DISP3: variants seen among roughly 807,000 people sequenced by gnomAD.
DISP3 encodes the protein protein dispatched homolog 3.
Under a neutral mutation model 135.3 loss-of-function variants are expected in DISP3, and 101 were observed. The observed-to-expected ratio is 0.75, with a 90% CI of 0.64 to 0.88. The LOEUF (loss-of-function observed/expected upper bound fraction) is 0.88. DISP3 is among the 40% of genes least tolerant of loss of function. The pLI, the probability that DISP3 is intolerant of heterozygous loss-of-function variation, is 0.00. For synonymous variants in DISP3, 856 were observed against 817.0 expected (o/e 1.05, Z -0.81); for missense variants, 1,713 against 1,878.6 (o/e 0.91, Z 1.63).
At position 11,501,425 on chromosome 1, in the gene DISP3, T is replaced by C; in HGVS notation, c.433T>C (p.Ser145Pro). ...CCGGCGCGATTTGGCCGACTTCACC[T>C]CCGAGACGCTTCAGCGCCTTATCTC... The part of the protein sequence containing the change: ...RNRRDLADFT[S>P]ETLQRLISEQ... Residue 145 changes from serine to proline, a missense_variant, in exon 2 of 21, where the codon TCC (serine) becomes CCC (proline). By Grantham distance (74) the Ser-to-Pro change is moderately conservative (BLOSUM62 -1). Around this residue, in one of 2 missense-constraint regions of DISP3, gnomAD observed 571 missense variants for 494.1 expected, o/e 1.16. Coordinates refer to ENST00000294484, the MANE Select transcript of DISP3 (RefSeq NM_020780.2). The surrounding 1 kb of genome is among the most constrained non-coding windows in gnomAD (Gnocchi z 4.9). 1 of 1,593,842 alleles carries C rather than the reference T, an allele frequency of 6.3e-7. No homozygotes were observed. Among genetic ancestry groups the C allele is most frequent in the South Asian group, 1.1e-5 (1 of 88,380 alleles).
Position 11,520,445 on chromosome 1 carries a change from G to A in DISP3, c.2201-242G>A, listed in dbSNP as rs1642152543. Among the ~76,000 whole-genome samples, 1 of 152,122 alleles carries A rather than the reference G, an allele frequency of 6.6e-6. No homozygotes were observed. Among genetic ancestry groups the A allele is most frequent in the Non-Finnish European group, 1.5e-5 (1 of 68,014 alleles). On this transcript the variant is annotated intron_variant, in intron 9 of 20. Transcript: ENST00000294484. The surrounding 1 kb of genome is among the most constrained non-coding windows in gnomAD (Gnocchi z 4.8). Reference sequence around the variant, plus strand: ...TGAGGTGGTGGCCGCCTCTTGTCCAGGAGTATTAGATTATAGCTTATAGTC... The same window carrying A: ...TGAGGTGGTGGCCGCCTCTTGTCCAAGAGTATTAGATTATAGCTTATAGTC...
chr1:11,520,945 G>A lies in DISP3; in HGVS notation c.2362+97G>A. On this transcript the variant is annotated intron_variant, in intron 10 of 20. Transcript: ENST00000294484. This position sits in a 1 kb window ranked among gnomAD's most constrained non-coding sequence, Gnocchi z 4.8. ...TGCAGGATCCAGGGTCCCCATCAATGCCAGACCTCAGGCAAATCCCACTCC... is the reference window on the plus strand; with the variant it reads ...TGCAGGATCCAGGGTCCCCATCAATACCAGACCTCAGGCAAATCCCACTCC... 1 of 1,375,416 alleles carries A rather than the reference G, an allele frequency of 7.3e-7. No individual in the cohort carries two copies. Among genetic ancestry groups the A allele is most frequent in the Non-Finnish European group, 9.7e-7 (1 of 1,027,590 alleles). The allele number at this position is 1,375,416 out of a possible 1,614,324, so 85.2% of individuals were successfully genotyped here.
chr1:11,506,754 G>A (rs537587970), intron 3 of DISP3, among the ~76,000 whole-genome samples: 4 of 152,070 alleles, frequency 2.6e-5, no homozygotes, highest in Admixed American at 6.6e-5. Flanking sequence ...CTTTCACTTG[G>A]TTTGGGATCC....
In DISP3 at chr1:11,520,680, C is replaced by T. The variant is rs1459478880; in HGVS notation, c.2201-7C>T. ...GCCCCGCCTGGTGTAGCGCCCTTTCCTCACAGGGCTGTTCGTCTCCATCCT... is the reference window on the plus strand; with the variant it reads ...GCCCCGCCTGGTGTAGCGCCCTTTCTTCACAGGGCTGTTCGTCTCCATCCT... On this transcript the variant is annotated splice_polypyrimidine_tract_variant and splice_region_variant and intron_variant, in intron 9 of 20. Transcript: ENST00000294484. This position sits in a 1 kb window ranked among gnomAD's most constrained non-coding sequence, Gnocchi z 4.8. 6.2e-7 allele frequency: 1 copy of T among 1,612,234 alleles called. No homozygotes were observed. The highest frequency in any genetic ancestry group is 8.5e-7 in the Non-Finnish European group (1 of 1,179,256).
In DISP3 at chr1:11,491,634, A is replaced by C. The variant is rs770290639; in HGVS notation, c.-3-9356A>C. 6.6e-6 allele frequency among the ~76,000 whole-genome samples: 1 copy of C among 151,866 alleles called. No homozygotes were observed. The highest frequency in any genetic ancestry group is 2.4e-5 in the African/African-American group (1 of 41,338). Reference sequence around the variant, plus strand: ...TCAAAACAAACAAACAAAACAAAACAAAACCCGGATTCCTGGGCCCCACCT... The same window carrying C: ...TCAAAACAAACAAACAAAACAAAACCAAACCCGGATTCCTGGGCCCCACCT... On this transcript the variant is annotated intron_variant, in intron 1 of 20. Coordinates refer to ENST00000294484, the MANE Select transcript of DISP3 (RefSeq NM_020780.2). The surrounding 1 kb of genome is among the most constrained non-coding windows in gnomAD (Gnocchi z 4.3).
chr1:11,522,617 GACCCAGCCAGAGCCCAGCCAGA>G lies in DISP3; in HGVS notation c.2363-1324_2363-1303del, dbSNP rs1557614995. On this transcript the variant is annotated intron_variant, in intron 10 of 20. Coordinates refer to ENST00000294484, the MANE Select transcript of DISP3 (RefSeq NM_020780.2). ...CAGGACCCAGCCAGAGCCCAGCCAG[GACCCAGCCAGAGCCCAGCCAGA>G]GCCCAGCCAGGGCCCAGCCAGAGCC... Among the ~76,000 whole-genome samples the G allele has an allele frequency of 4.5e-4, 51 of 113,110 alleles. 2 individuals are homozygous for G. The highest frequency in any genetic ancestry group is 3.5e-3 in the East Asian group (12 of 3,444). The allele number at this position is 113,110 out of a possible 152,430, so 74.2% of individuals were successfully genotyped here.
chr1:11,485,251 G>T (rs1641006325), intron 1 of DISP3, among the ~76,000 whole-genome samples: 1 of 152,136 alleles, frequency 6.6e-6, no homozygotes, highest in African/African-American at 2.4e-5. Context: ...TCTCTCCAGG[G>T]TCAGGAGGAA....
Position 11,529,111 on chromosome 1 carries a change from A to G in DISP3, c.2799-445A>G, listed in dbSNP as rs1014807570. On this transcript the variant is annotated intron_variant, in intron 13 of 20. Coordinates refer to ENST00000294484, the MANE Select transcript of DISP3 (RefSeq NM_020780.2). This position sits in a 1 kb window ranked among gnomAD's most constrained non-coding sequence, Gnocchi z 4.7. ...GTCTAGTGGTTAGCCAGCTGTTGAC[A>G]CTGGAGCCCTTCCTTCCTATAGAAT... is the stretch of plus-strand genomic sequence containing the variant. 5.9e-5 allele frequency among the ~76,000 whole-genome samples: 9 copies of G among 152,158 alleles called. No homozygotes were observed. The highest frequency in any genetic ancestry group is 1.9e-4 in the African/African-American group (8 of 41,430).
At chr1:11,535,931 C>A (rs1460010073) in intron 20 of DISP3, among the ~76,000 whole-genome samples, 3 of 152,206 alleles carry the variant, frequency 2.0e-5, no homozygotes, top group African/African-American at 7.2e-5. Context: ...AGGTCCATGA[C>A]TCATTCTCCT....
At position 11,500,987 on chromosome 1, in the gene DISP3, C is replaced by T; in HGVS notation, c.-3-3C>T. On this transcript the variant is annotated splice_polypyrimidine_tract_variant and splice_region_variant and intron_variant, in intron 1 of 20. Coordinates refer to ENST00000294484, the MANE Select transcript of DISP3 (RefSeq NM_020780.2). ...GCCTGCTGACCCTCTCCCTCTCCTG[C>T]AGACTATGGACACGGAGGATGACCC... 1 of 1,613,562 alleles carries T rather than the reference C, an allele frequency of 6.2e-7. No individual in the cohort carries two copies. The highest frequency in any genetic ancestry group is 8.5e-7 in the Non-Finnish European group (1 of 1,179,850).
In DISP3 at chr1:11,529,367, C is replaced by T. The variant is rs1304935582; in HGVS notation, c.2799-189C>T. Reference sequence around the variant, plus strand: ...CTTGGCAGGGGCAGGGCTAGAACAGCCTCCAGACCCCCAGCCCAGGGCACA... The same window carrying T: ...CTTGGCAGGGGCAGGGCTAGAACAGTCTCCAGACCCCCAGCCCAGGGCACA... On this transcript the variant is annotated intron_variant, in intron 13 of 20. Coordinates refer to ENST00000294484, the MANE Select transcript of DISP3 (RefSeq NM_020780.2). The surrounding 1 kb of genome is among the most constrained non-coding windows in gnomAD (Gnocchi z 4.7). Among the ~76,000 whole-genome samples the T allele has an allele frequency of 6.6e-6, 1 of 152,120 alleles. No homozygotes were observed. The highest frequency in any genetic ancestry group is 1.5e-5 in the Non-Finnish European group (1 of 67,996).
rs1444333787 is a variant in DISP3 at position 11,522,903 on chromosome 1, A to G, written c.2363-1039A>G. ...CAGAGCCCAGCCAGGACCCAGCCAGAGCCCAGCCAGGACCCAGCAAGGACC... is the reference window on the plus strand; with the variant it reads ...CAGAGCCCAGCCAGGACCCAGCCAGGGCCCAGCCAGGACCCAGCAAGGACC... On this transcript the variant is annotated intron_variant, in intron 10 of 20. Coordinates refer to ENST00000294484, the MANE Select transcript of DISP3 (RefSeq NM_020780.2). 8.0e-3 allele frequency among the ~76,000 whole-genome samples: 170 copies of G among 21,174 alleles called. 3 individuals are homozygous for G. The highest frequency in any genetic ancestry group is 0.011 in the Admixed American group (21 of 1,986). The allele number at this position is 21,174 out of a possible 152,430, so 13.9% of individuals were successfully genotyped here. A position where few individuals can be genotyped will look rare whatever the true frequency, so the allele number is the denominator to read the frequency against.
intron 10 of DISP3, among the ~76,000 whole-genome samples, chr1:11,522,721 AGCCAGGGCCCAGCCAGG>A (rs1557615316): frequency 7.3e-6 from 1 of 136,848 alleles, no homozygotes; most frequent in South Asian, 2.3e-4. Context: ...GCCAGGGCCC[AGCCAGGGCCCAGCCAGG>A]GCCCAGCCAG....
chr1:11,531,031 C>T lies in DISP3; in HGVS notation c.3227C>T (p.Ser1076Leu). 6.2e-7 allele frequency: 1 copy of T among 1,613,520 alleles called. No homozygotes were observed. Among genetic ancestry groups the T allele is most frequent in the Non-Finnish European group, 8.5e-7 (1 of 1,179,954 alleles). Residue 1076 changes from serine to leucine, a missense_variant and splice_region_variant, in exon 16 of 21, where the codon TCA (serine) becomes TTA (leucine). Physicochemically the swap from Ser to Leu is moderately radical, Grantham distance 145. Coordinates refer to ENST00000294484, the MANE Select transcript of DISP3 (RefSeq NM_020780.2). The surrounding 1 kb of genome is among the most constrained non-coding windows in gnomAD (Gnocchi z 5.2). ...VKPGGAQCLPSGYSISSFLQM... is the reference protein window; with the variant it reads ...VKPGGAQCLPLGYSISSFLQM... ...CCGGGTGGGGCCCAGTGCCTGCCTTCAGGTGCGTGGGGTGTGGGGAGCTGG... is the reference window on the plus strand; with the variant it reads ...CCGGGTGGGGCCCAGTGCCTGCCTTTAGGTGCGTGGGGTGTGGGGAGCTGG...
chr1:11,515,245 A>C, intron 4 of DISP3, 124 bp from the exon 5 acceptor site: 1 of 1,341,734 alleles, frequency 7.5e-7, no homozygotes, highest in East Asian at 2.5e-5. Context: ...CTGGGAACAG[A>C]GTGGTGAATG....
chr1:11,534,075 A>AACTGGCTGAGCAGGC (rs1285771636), intron 17 of DISP3, among the ~76,000 whole-genome samples: 16 of 152,322 alleles, frequency 1.1e-4, no homozygotes, highest in Non-Finnish European at 2.1e-4. Context: ...GATGAGCAGG[A>AACTGGCTGAGCAGGC]ACTGGCTGAG....
intron 3 of DISP3, among the ~76,000 whole-genome samples, chr1:11,503,148 G>T (rs1641601098): frequency 6.6e-6 from 1 of 152,198 alleles, no homozygotes; most frequent in Non-Finnish European, 1.5e-5. Context: ...CTGCCCTGGA[G>T]GTCTTGGGTA....
chr1:11,519,836 A>G lies in DISP3; in HGVS notation c.2156A>G (p.His719Arg). The G allele has an allele frequency of 6.2e-7, 1 of 1,612,364 alleles. No homozygotes were observed. Among genetic ancestry groups the G allele is most frequent in the African/African-American group, 1.3e-5 (1 of 75,012 alleles). Reference protein sequence around the residue: ...LIVQLQELLHHWVLWSAVKSR... With the variant: ...LIVQLQELLHRWVLWSAVKSR... Reference sequence around the variant, plus strand: ...GTGCAGCTGCAGGAGCTGCTGCACCACTGGGTCCTGTGGTCAGCCGTCAAG... The same window carrying G: ...GTGCAGCTGCAGGAGCTGCTGCACCGCTGGGTCCTGTGGTCAGCCGTCAAG... Residue 719 changes from histidine (H) to arginine (R), a missense_variant, in exon 9 of 21, where the codon CAC becomes CGC. Physicochemically the swap from His to Arg is conservative, Grantham distance 29 (BLOSUM62 0). Coordinates refer to ENST00000294484, the MANE Select transcript of DISP3 (RefSeq NM_020780.2). The surrounding 1 kb of genome is among the most constrained non-coding windows in gnomAD (Gnocchi z 4.3).
At chr1:11,506,119 G>A (rs1431763021) in intron 3 of DISP3, among the ~76,000 whole-genome samples, 1 of 152,126 alleles carries the variant, frequency 6.6e-6, no homozygotes, top group African/African-American at 2.4e-5. Context: ...AGAAAAGTAG[G>A]CTGTAAATCT....
Sources: allele counts gnomAD v4.1 joint callset (sites outside exome capture counted in the v4.1 genomes callset), GRCh38; gene constraint gnomAD v4.1.1; regional missense constraint gnomAD v4.1.1; non-coding constraint Gnocchi (gnomAD v3.1); transcripts MANE v1.5; gene names NCBI Gene and HGNC (gene_info 2026-07-23, HGNC 2026-07-21).